AOPEP: variants seen among roughly 807,000 people sequenced by gnomAD.
The protein encoded by AOPEP is aminopeptidase O (putative).
AOPEP carries 77 observed loss-of-function variants against 98.1 expected under a neutral mutation model. That is an observed-to-expected ratio of 0.78 (90% CI 0.65 to 0.95). The LOEUF is 0.95. AOPEP is among the 40% of genes least tolerant of loss of function. The pLI is 0.00. For missense variants in AOPEP, 1,024 were observed against 1,024.7 expected (o/e 1.00, Z 0.01); for synonymous variants, 346 against 365.3 (o/e 0.95, Z 0.60).
chr9:94,834,261 A>G (rs1321534222), intron 5 of AOPEP, among the ~76,000 whole-genome samples: 1 of 152,212 alleles, frequency 6.6e-6, no homozygotes. Context: ...GGTTTCTTCA[A>G]AAGATACATT....
chr9:95,026,825 G>T (rs1571894), intron 13 of AOPEP, among the ~76,000 whole-genome samples: 116,893 of 152,136 alleles, frequency 0.77, 46,997 homozygotes, highest in Non-Finnish European at 0.89. Flanking sequence ...ATGAACAAGG[G>T]TCCCAGTTTC....
intron 5 of AOPEP, among the ~76,000 whole-genome samples, chr9:94,822,422 G>A (rs1450395634): frequency 6.6e-6 from 1 of 152,150 alleles, no homozygotes; most frequent in East Asian, 1.9e-4. Context: ...TTATGGCTAA[G>A]CTTTGCTGTT....
At chr9:94,979,592 C>T (rs2060054533) in intron 11 of AOPEP, among the ~76,000 whole-genome samples, 165 bp downstream of exon 11, 1 of 152,224 alleles carries the variant, frequency 6.6e-6, no homozygotes, top group Admixed American at 6.5e-5. Flanking sequence ...CGCATTTCCC[C>T]CCCTCATTGT....
At chr9:94,763,651 T>C (rs1175087715) in intron 2 of AOPEP, among the ~76,000 whole-genome samples, 1 of 152,136 alleles carries the variant, frequency 6.6e-6, no homozygotes, top group Non-Finnish European at 1.5e-5. Flanking sequence ...GCAGGAAATA[T>C]ACAAGATGAG....
At chr9:95,038,590 G>A (rs2065025521) in intron 13 of AOPEP, among the ~76,000 whole-genome samples, 1 of 152,232 alleles carries the variant, frequency 6.6e-6, no homozygotes, top group African/African-American at 2.4e-5. Flanking sequence ...GTTGCACAGT[G>A]ATAATGTCTC....
chr9:94,992,163 G>A (rs1189227961), intron 11 of AOPEP, among the ~76,000 whole-genome samples: 1 of 152,234 alleles, frequency 6.6e-6, no homozygotes, highest in Non-Finnish European at 1.5e-5. Flanking sequence ...GCCAACAAGT[G>A]TCTCACAGGT....
At chr9:94,828,757 A>T (rs866884038) in intron 5 of AOPEP, among the ~76,000 whole-genome samples, 99 of 151,056 alleles carry the variant, frequency 6.6e-4, no homozygotes, top group African/African-American at 1.7e-3. Flanking sequence ...ACACACACAC[A>T]ATATATATAT....
At chr9:95,107,724 CG>C in the AOPEP span, among the ~76,000 whole-genome samples, 6 of 152,028 alleles carry the variant, frequency 3.9e-5, no homozygotes, top group South Asian at 2.1e-4. Flanking sequence ...GGGGTCAGGG[CG>C]GGGGGTCGGG....
At chr9:94,958,543 C>T (rs1214789916) in intron 9 of AOPEP, among the ~76,000 whole-genome samples, 1 of 152,184 alleles carries the variant, frequency 6.6e-6, no homozygotes, top group Non-Finnish European at 1.5e-5. Context: ...CACGCACTTG[C>T]CAACACTTAA....
rs140424042 is a variant in AOPEP at position 94,766,394 on chromosome 9, G to A, written c.797+5814G>A. The stretch of plus-strand genomic sequence containing the variant: ...TCTACTAAAATACAAAAAATTAGCC[G>A]GGCGTGGTGGCGGGCGCCCGTTGTC... On this transcript the variant is annotated intron_variant, in intron 2 of 16. Coordinates refer to ENST00000375315, the MANE Select transcript of AOPEP (RefSeq NM_001193329.3). Among the ~76,000 whole-genome samples the A allele has an allele frequency of 7.4e-3, 1,121 of 152,250 alleles. 15 individuals are homozygous for A. Among genetic ancestry groups the A allele is most frequent in the African/African-American group, 0.026 (1,081 of 41,540 alleles).
chr9:94,773,232 A>G, intron 3 of AOPEP, 64 bp downstream of exon 3: 1 of 1,415,214 alleles, frequency 7.1e-7, no homozygotes. Context: ...GAACCCAATA[A>G]ACAGTATTTT....
intron 5 of AOPEP, among the ~76,000 whole-genome samples, chr9:94,896,015 C>CCTAT (rs1411943504): frequency 2.0e-5 from 3 of 152,038 alleles, no homozygotes; most frequent in Non-Finnish European, 2.9e-5. Context: ...AGAATGTTTG[C>CCTAT]CTATCTCTAT....
rs62579046 is a variant in AOPEP at position 94,909,839 on chromosome 9, C to T, written c.1365-14147C>T. 2.3e-3 allele frequency among the ~76,000 whole-genome samples: 351 copies of T among 152,270 alleles called. 1 individual carries two copies. The highest frequency in any genetic ancestry group is 2.5e-3 in the Non-Finnish European group (170 of 68,022). ...CAGACTTAAACGGCTGTCATGAGTCCGCCATGGCACACAGCAGCTCCCACC... is the reference window on the plus strand; with the variant it reads ...CAGACTTAAACGGCTGTCATGAGTCTGCCATGGCACACAGCAGCTCCCACC... On this transcript the variant is annotated intron_variant, in intron 5 of 16. Transcript: ENST00000375315.
intron 11 of AOPEP, among the ~76,000 whole-genome samples, chr9:94,991,087 G>T (rs929561054): frequency 1.2e-4 from 19 of 152,278 alleles, no homozygotes; most frequent in African/African-American, 4.6e-4. Context: ...GCTGATAGAA[G>T]ATCAACACCC....
chr9:95,030,193 G>A (rs1587689948), intron 13 of AOPEP, among the ~76,000 whole-genome samples: 3 of 152,142 alleles, frequency 2.0e-5, no homozygotes, highest in African/African-American at 4.8e-5. Context: ...AAAATTACCA[G>A]TAATCCAGTC....
intron 13 of AOPEP, among the ~76,000 whole-genome samples, chr9:95,017,360 G>A (rs1184122826): frequency 1.3e-5 from 2 of 152,144 alleles, no homozygotes; most frequent in African/African-American, 4.8e-5. Context: ...CTTCAAATTT[G>A]TACAACATGT....
the AOPEP span, among the ~76,000 whole-genome samples, chr9:95,144,594 A>C: frequency 6.6e-6 from 1 of 152,106 alleles, no homozygotes; most frequent in African/African-American, 2.4e-5. Flanking sequence ...GATTCCCTTT[A>C]ATTCAGCTCT....
chr9:94,985,535 G>C (rs762395915), intron 11 of AOPEP, among the ~76,000 whole-genome samples: 46 of 152,112 alleles, frequency 3.0e-4, no homozygotes, highest in Middle Eastern at 3.4e-3. Flanking sequence ...TAATTTTAAG[G>C]CCTATTAAGA....
intron 3 of AOPEP, among the ~76,000 whole-genome samples, chr9:94,782,525 C>G (rs1843525980): frequency 6.6e-6 from 1 of 152,206 alleles, no homozygotes; most frequent in Non-Finnish European, 1.5e-5. Flanking sequence ...TCCAGACCCT[C>G]CTGTGTGCAA....
Sources: allele counts gnomAD v4.1 joint callset (sites outside exome capture counted in the v4.1 genomes callset), GRCh38; gene constraint gnomAD v4.1.1; transcripts MANE v1.5; gene names NCBI Gene and HGNC (gene_info 2026-07-23, HGNC 2026-07-21).